KCNK2: variants seen among roughly 807,000 people sequenced by gnomAD.
KCNK2 encodes the protein potassium channel subfamily K member 2.
In KCNK2, 21 loss-of-function variants were observed where a neutral mutation model predicts 40.5. The ratio of observed to expected loss-of-function variants is 0.52; its 90% confidence interval spans 0.37 to 0.75. KCNK2 has a LOEUF of 0.75. Ranked by LOEUF, KCNK2 falls within the 30% of genes least tolerant of loss-of-function variation. KCNK2 has a pLI of 0.00. For synonymous variants in KCNK2, 191 were observed against 202.2 expected (o/e 0.94, Z 0.47); for missense variants, 399 against 531.6 (o/e 0.75, Z 2.45).
intron 3 of KCNK2, among the ~76,000 whole-genome samples, chr1:215,158,954 G>A (rs1399597990): frequency 6.6e-6 from 1 of 152,148 alleles, no homozygotes; most frequent in Non-Finnish European, 1.5e-5. Context: ...TGGGTTAGAG[G>A]TTGTTGAGTT....
At chr1:215,061,182 G>A (rs1658350366) in intron 1 of KCNK2, among the ~76,000 whole-genome samples, 1 of 152,014 alleles carries the variant, frequency 6.6e-6, no homozygotes, top group South Asian at 2.1e-4. Flanking sequence ...ATGGTAATAT[G>A]TTAACTAGCT....
chr1:215,229,277 C>T (rs1035260171), intron 6 of KCNK2, among the ~76,000 whole-genome samples: 6 of 148,222 alleles, frequency 4.0e-5, no homozygotes, highest in Non-Finnish European at 5.9e-5. Flanking sequence ...AGGGACTCCT[C>T]TATTTTCTCT....
chr1:215,112,081 A>G (rs1244269175), intron 2 of KCNK2, among the ~76,000 whole-genome samples: 1 of 151,806 alleles, frequency 6.6e-6, no homozygotes, highest in South Asian at 2.1e-4. Flanking sequence ...CTTTGTTCTC[A>G]GTGGCTCCCA....
intron 1 of KCNK2, among the ~76,000 whole-genome samples, chr1:215,036,788 T>G (rs531191875): frequency 5.1e-4 from 78 of 152,062 alleles, no homozygotes; most frequent in African/African-American, 1.8e-3. Context: ...GATGTTTTTG[T>G]GTGTGTTATT....
chr1:215,041,589 G>T (rs919396568), intron 1 of KCNK2, among the ~76,000 whole-genome samples: 6 of 152,146 alleles, frequency 3.9e-5, no homozygotes, highest in Admixed American at 1.3e-4. Context: ...GTCAGATCTT[G>T]ATATTAGCTA....
At chr1:215,210,812 G>C (rs1390173325) in intron 6 of KCNK2, among the ~76,000 whole-genome samples, 1 of 151,800 alleles carries the variant, frequency 6.6e-6, no homozygotes, top group African/African-American at 2.4e-5. Flanking sequence ...ATTTAACTGG[G>C]TGAACTGGAG....
chr1:215,080,337 G>A (rs1244035146), upstream of KCNK2, among the ~76,000 whole-genome samples: 2 of 152,074 alleles, frequency 1.3e-5, no homozygotes, highest in Non-Finnish European at 2.9e-5. Flanking sequence ...TAATCGAATT[G>A]CGAACAAAAT....
At chr1:215,109,760 G>T (rs1660596238) in intron 2 of KCNK2, among the ~76,000 whole-genome samples, 1 of 152,068 alleles carries the variant, frequency 6.6e-6, no homozygotes, top group African/African-American at 2.4e-5. Flanking sequence ...GGACTGGATT[G>T]TATGGTAGTT....
intron 2 of KCNK2, among the ~76,000 whole-genome samples, chr1:215,116,284 A>G (rs1172719109): frequency 1.3e-5 from 2 of 152,112 alleles, no homozygotes; most frequent in Non-Finnish European, 2.9e-5. Context: ...TAAAACGTGA[A>G]TATATGCATG....
At chr1:215,025,606 AGTAT>A (rs143306120) in intron 1 of KCNK2, among the ~76,000 whole-genome samples, 2,696 of 152,178 alleles carry the variant, frequency 0.018, 73 homozygotes, top group African/African-American at 0.062. Flanking sequence ...CATATATGTG[AGTAT>A]GTTTTTGTCA....
intron 2 of KCNK2, among the ~76,000 whole-genome samples, chr1:215,087,355 A>G (rs545301398): frequency 1.3e-5 from 2 of 152,362 alleles, no homozygotes; most frequent in South Asian, 4.1e-4. Flanking sequence ...TTTGAATAAA[A>G]CTAACTTAGT....
rs182695635 is a variant in KCNK2, at chr1:215,028,364, G to T, written c.34+22409G>T. The stretch of plus-strand genomic sequence containing the variant: ...TGTGCCATTGCACTCCAGCCTGGGC[G>T]ACAAGGGCAAAACTCCATCTCAAAA... On this transcript the variant is annotated intron_variant, in intron 1 of 6. Coordinates refer to the KCNK2 transcript ENST00000391895. Among the ~76,000 whole-genome samples the T allele has an allele frequency of 2.6e-5, 4 of 152,026 alleles. No individual in the cohort carries two copies. In the East Asian group the frequency reaches 7.7e-4, roughly 29 times the overall value.
At chr1:215,174,479 TTAAAG>T (rs1303769192) in intron 5 of KCNK2, among the ~76,000 whole-genome samples, 1 of 152,144 alleles carries the variant, frequency 6.6e-6, no homozygotes, top group Non-Finnish European at 1.5e-5. Flanking sequence ...CATATGAACT[TTAAAG>T]TAGTTTTTTC....
chr1:215,089,791 A>G (rs1398141125), intron 2 of KCNK2, among the ~76,000 whole-genome samples: 1 of 151,984 alleles, frequency 6.6e-6, no homozygotes, highest in Admixed American at 6.6e-5. Flanking sequence ...GTCAGTACAG[A>G]AACATATATG....
At chr1:215,116,870 C>T (rs919865513) in intron 2 of KCNK2, among the ~76,000 whole-genome samples, 4 of 151,624 alleles carry the variant, frequency 2.6e-5, no homozygotes, top group South Asian at 4.2e-4. Context: ...GGGGGGGGAA[C>T]CTTGAAAATA....
intron 5 of KCNK2, 92 bp downstream of exon 5, chr1:215,172,275 A>G: frequency 8.5e-7 from 1 of 1,172,330 alleles, no homozygotes; most frequent in Non-Finnish European, 1.2e-6. Flanking sequence ...CAAGGGCTGT[A>G]TGAGTTTTCT....
chr1:215,197,178 T>G (rs892110972), intron 6 of KCNK2, among the ~76,000 whole-genome samples: 10 of 152,190 alleles, frequency 6.6e-5, no homozygotes, highest in African/African-American at 2.2e-4. Context: ...GTTTAAAACT[T>G]GTATTACTAA....
At chr1:215,222,450 ATACT>A (rs1327917277) in intron 6 of KCNK2, among the ~76,000 whole-genome samples, 1 of 152,212 alleles carries the variant, frequency 6.6e-6, no homozygotes, top group Non-Finnish European at 1.5e-5. Context: ...ACTGTATTTC[ATACT>A]TAGACATTTT....
intron 1 of KCNK2, among the ~76,000 whole-genome samples, chr1:215,023,978 T>G (rs989077876): frequency 1.3e-5 from 2 of 152,198 alleles, no homozygotes; most frequent in Admixed American, 6.5e-5. Flanking sequence ...CTGCGGATTT[T>G]CCTAACCATT....
Sources: gnomAD v4.1 joint callset for allele counts (sites outside exome capture counted in the v4.1 genomes callset) on GRCh38, gnomAD v4.1.1 for gene constraint, MANE v1.5 for transcripts, NCBI Gene and HGNC (gene_info 2026-07-23, HGNC 2026-07-21) for gene names.